The following LRRC37A2 variants were observed in gnomAD, a reference collection of about 807,000 sequenced individuals.
LRRC37A2 encodes leucine rich repeat containing 37 member A2, also known as leucine-rich repeat-containing protein 37A2.
In LRRC37A2, 9 loss-of-function variants were observed where a neutral mutation model predicts 68.8. That is an observed-to-expected ratio of 0.13 (90% CI 0.08 to 0.23). LRRC37A2 has a LOEUF of 0.23. LRRC37A2 is among the 10% of genes least tolerant of loss of function. The probability of loss-of-function intolerance (pLI) is 1.00; values close to 1 mark genes in which losing one functional copy is unlikely to be tolerated. For synonymous variants in LRRC37A2, 63 were observed against 367.6 expected, an observed-to-expected ratio of 0.17 and a Z score of 9.48; for missense variants, 168 against 950.4, an observed-to-expected ratio of 0.18 and a Z score of 10.82.
chr17:46,854,255 G>A, the LRRC37A2 span, among the ~76,000 whole-genome samples: 2 of 152,192 alleles, frequency 1.3e-5, no homozygotes, highest in Admixed American at 6.5e-5. Flanking sequence ...ATCTGCATTC[G>A]CTGTCTGGGA....
At chr17:46,953,082 A>G in the LRRC37A2 span, among the ~76,000 whole-genome samples, 1 of 151,870 alleles carries the variant, frequency 6.6e-6, no homozygotes, top group Non-Finnish European at 1.5e-5. Flanking sequence ...GTTTTAGGGT[A>G]CATGTACACA....
chr17:46,899,755 T>A, the LRRC37A2 span, among the ~76,000 whole-genome samples: 1 of 152,138 alleles, frequency 6.6e-6, no homozygotes, highest in African/African-American at 2.4e-5. Flanking sequence ...TATATTTTAA[T>A]AGGGTGAACT....
At chr17:46,929,650 C>T in the LRRC37A2 span, 5 of 821,954 alleles carry the variant, frequency 6.1e-6, no homozygotes, top group East Asian at 2.4e-5. Context: ...GGCTGGGCTT[C>T]CTGACTGCAC....
chr17:46,868,014 G>A, the LRRC37A2 span, among the ~76,000 whole-genome samples: 1 of 152,128 alleles, frequency 6.6e-6, no homozygotes, highest in Admixed American at 6.5e-5. Context: ...TGTTCACCTG[G>A]GGTCATTGCT....
the LRRC37A2 span, among the ~76,000 whole-genome samples, chr17:46,918,268 A>C: frequency 6.6e-6 from 1 of 152,118 alleles, no homozygotes; most frequent in Non-Finnish European, 1.5e-5. Flanking sequence ...TTAGTAGAGA[A>C]GAGGTTTCAC....
chr17:46,831,827 C>G, the LRRC37A2 span, among the ~76,000 whole-genome samples: 7 of 152,270 alleles, frequency 4.6e-5, no homozygotes, highest in Admixed American at 1.3e-4. Flanking sequence ...CAGGTTGAAA[C>G]TGCCAAATGA....
chr17:46,621,881 TA>T, the LRRC37A2 span, among the ~76,000 whole-genome samples: 1 of 140,240 alleles, frequency 7.1e-6, no homozygotes, highest in African/African-American at 2.6e-5. Flanking sequence ...TACTTACCAA[TA>T]AAAGAATACA....
chr17:46,749,847 C>T, the LRRC37A2 span: 24 of 1,614,130 alleles, frequency 1.5e-5, no homozygotes, highest in South Asian at 2.5e-4. Flanking sequence ...TTAACGCTTT[C>T]AGCACCACCA....
the LRRC37A2 span, among the ~76,000 whole-genome samples, chr17:46,948,007 T>G: frequency 6.6e-6 from 1 of 152,214 alleles, no homozygotes; most frequent in African/African-American, 2.4e-5. Flanking sequence ...TGACCTCAGG[T>G]GATCCACCTG....
chr17:46,896,329 AAGAG>A, the LRRC37A2 span, among the ~76,000 whole-genome samples: 11 of 150,250 alleles, frequency 7.3e-5, no homozygotes, highest in East Asian at 1.4e-3. Flanking sequence ...GAAAGAGAGA[AAGAG>A]AGAGAGAGAA....
the LRRC37A2 span, chr17:46,922,892 C>A: frequency 5.8e-6 from 3 of 520,436 alleles, no homozygotes; most frequent in Non-Finnish European, 1.0e-5. Context: ...CGTTAGTATC[C>A]CGCGATTGTC....
At chr17:47,003,385 C>T in the LRRC37A2 span, among the ~76,000 whole-genome samples, 1 of 152,158 alleles carries the variant, frequency 6.6e-6, no homozygotes, top group Non-Finnish European at 1.5e-5. Flanking sequence ...GGCAGATGAG[C>T]ACATCAACTA....
At chr17:46,466,772 G>C in the LRRC37A2 span, among the ~76,000 whole-genome samples, 1 of 101,800 alleles carries the variant, frequency 9.8e-6, no homozygotes, top group East Asian at 2.4e-4. Context: ...GATTGTAATG[G>C]GATTGCTGGG....
the LRRC37A2 span, among the ~76,000 whole-genome samples, chr17:46,893,192 C>T: frequency 1.3e-5 from 2 of 152,138 alleles, no homozygotes; most frequent in African/African-American, 4.8e-5. Flanking sequence ...CCTCGGCCTC[C>T]CAAAGTGCTA....
At chr17:46,667,490 CT>C in the LRRC37A2 span, among the ~76,000 whole-genome samples, 3 of 137,490 alleles carry the variant, frequency 2.2e-5, no homozygotes, top group Non-Finnish European at 4.9e-5. Context: ...AAATCTTTAC[CT>C]TGCAAAACTA....
At chr17:46,842,386 G>GT in the LRRC37A2 span, among the ~76,000 whole-genome samples, 171 of 152,206 alleles carry the variant, frequency 1.1e-3, 2 homozygotes, top group East Asian at 0.02. Context: ...TTATTTGGTT[G>GT]TTTTTTCAGA....
chr17:46,991,288 T>G, the LRRC37A2 span, among the ~76,000 whole-genome samples: 2 of 152,172 alleles, frequency 1.3e-5, no homozygotes, highest in African/African-American at 4.8e-5. Flanking sequence ...GTTGCTTACA[T>G]GAGCCTTATT....
the LRRC37A2 span, among the ~76,000 whole-genome samples, chr17:46,865,556 AG>A: frequency 6.6e-6 from 1 of 152,128 alleles, no homozygotes; most frequent in Non-Finnish European, 1.5e-5. Flanking sequence ...GGAGCCAGAC[AG>A]GAGGAACGAG....
At chr17:46,458,282 A>T in the LRRC37A2 span, among the ~76,000 whole-genome samples, 602 of 110,980 alleles carry the variant, frequency 5.4e-3, 7 homozygotes, top group African/African-American at 0.017. Flanking sequence ...GAGTCGTAAG[A>T]TACGGGCTGC....
Sources: allele counts gnomAD v4.1 joint callset (sites outside exome capture counted in the v4.1 genomes callset), GRCh38; gene constraint gnomAD v4.1.1; transcripts MANE v1.5; gene names NCBI Gene and HGNC (gene_info 2026-07-23, HGNC 2026-07-21).